LRFN5: variants seen among roughly 807,000 people sequenced by gnomAD.
LRFN5 encodes the protein leucine-rich repeat and fibronectin type-III domain-containing protein 5.
Under a neutral mutation model 45.6 loss-of-function variants are expected in LRFN5, and 24 were observed. The ratio of observed to expected loss-of-function variants is 0.53; its 90% CI spans 0.38 to 0.74. The LOEUF is 0.74. Among genes scored for constraint, LRFN5 ranks in the 30% least tolerant of loss-of-function variants. LRFN5 has a pLI of 0.00. For missense variants in LRFN5, 776 were observed against 861.5 expected, an observed-to-expected ratio of 0.90 and a Z score of 1.24; for synonymous variants, 340 against 313.8, an observed-to-expected ratio of 1.08 and a Z score of -0.88.
intron 2 of LRFN5, among the ~76,000 whole-genome samples, chr14:41,849,466 G>A (rs1310325882): frequency 6.6e-6 from 1 of 151,392 alleles, no homozygotes; most frequent in Non-Finnish European, 1.5e-5. Context: ...AAAGTGGGAG[G>A]CTCTTTTCAG....
chr14:41,797,305 G>T (rs1887167493), intron 2 of LRFN5, among the ~76,000 whole-genome samples: 1 of 151,450 alleles, frequency 6.6e-6, no homozygotes, highest in African/African-American at 2.4e-5. Flanking sequence ...ACCCTAGCTG[G>T]TTTATTTTTC....
At chr14:41,828,092 G>A (rs966425768) in intron 2 of LRFN5, among the ~76,000 whole-genome samples, 3 of 151,968 alleles carry the variant, frequency 2.0e-5, no homozygotes, top group African/African-American at 7.2e-5. Flanking sequence ...GTAAGTTAAA[G>A]GGAAATAGGT....
At chr14:41,860,114 C>T (rs1889610118) in intron 2 of LRFN5, among the ~76,000 whole-genome samples, 1 of 152,046 alleles carries the variant, frequency 6.6e-6, no homozygotes, top group African/African-American at 2.4e-5. Flanking sequence ...TCCAGCTATC[C>T]AGAAGAAAAG....
intron 1 of LRFN5, among the ~76,000 whole-genome samples, chr14:41,724,373 G>A (rs1337612375): frequency 6.6e-6 from 1 of 152,098 alleles, no homozygotes; most frequent in African/African-American, 2.4e-5. Context: ...TACATTTAGA[G>A]CATAAGGTTT....
intron 2 of LRFN5, among the ~76,000 whole-genome samples, chr14:41,858,626 A>G (rs1209825994): frequency 6.6e-6 from 1 of 152,194 alleles, no homozygotes; most frequent in Admixed American, 6.5e-5. Flanking sequence ...CTTCAATGTC[A>G]CGTGCTTTTC....
chr14:41,852,178 T>C (rs1354048115), intron 2 of LRFN5, among the ~76,000 whole-genome samples: 1 of 151,912 alleles, frequency 6.6e-6, no homozygotes, highest in Non-Finnish European at 1.5e-5. Context: ...AAGTTGTTAA[T>C]GCAATCCTGT....
At chr14:41,803,564 A>T (rs1887415083) in intron 2 of LRFN5, among the ~76,000 whole-genome samples, 1 of 151,760 alleles carries the variant, frequency 6.6e-6, no homozygotes, top group Admixed American at 6.6e-5. Context: ...TTTGTTGCCC[A>T]TGCTAATTTT....
At chr14:41,852,116 A>G (rs1449728071) in intron 2 of LRFN5, among the ~76,000 whole-genome samples, 3 of 151,872 alleles carry the variant, frequency 2.0e-5, no homozygotes, top group Non-Finnish European at 4.4e-5. Context: ...ACTATAAATG[A>G]TCATAATTAA....
At chr14:41,665,813 T>C (rs974496802) in intron 1 of LRFN5, among the ~76,000 whole-genome samples, 4 of 151,992 alleles carry the variant, frequency 2.6e-5, no homozygotes, top group African/African-American at 9.7e-5. Context: ...ACTTAAATTA[T>C]AATAACAGAT....
rs147559604 is a variant in LRFN5, at chr14:41,860,594, C to G, written c.-20-26012C>G. Among the ~76,000 whole-genome samples the G allele has an allele frequency of 3.9e-3, 599 of 152,156 alleles. 8 individuals are homozygous for G. The highest frequency in any genetic ancestry group is 0.014 in the African/African-American group (574 of 41,518). On this transcript the variant is annotated intron_variant, in intron 2 of 5. Coordinates refer to ENST00000298119, the MANE Select transcript of LRFN5 (RefSeq NM_152447.5). ...AGCATACTTCTATGTTATATTTAAC[C>G]AAGTTGCTGAAACTGCTATTTAAAA...
At chr14:41,844,239 C>T (rs373081006) in intron 2 of LRFN5, among the ~76,000 whole-genome samples, 15,796 of 151,862 alleles carry the variant, frequency 0.1, 2,382 homozygotes, top group African/African-American at 0.34. Context: ...AGATCGAGAC[C>T]ATCCTGGCTA....
At chr14:41,785,460 C>G (rs1055726343) in intron 2 of LRFN5, among the ~76,000 whole-genome samples, 2 of 152,094 alleles carry the variant, frequency 1.3e-5, no homozygotes, top group Non-Finnish European at 2.9e-5. Context: ...TGCTTCAGCA[C>G]TTATAAACCT....
chr14:41,794,798 G>A (rs1384710103), intron 2 of LRFN5, among the ~76,000 whole-genome samples: 1 of 151,944 alleles, frequency 6.6e-6, no homozygotes, highest in Non-Finnish European at 1.5e-5. Flanking sequence ...AAGCATTGCA[G>A]CATATAAAAA....
intron 2 of LRFN5, among the ~76,000 whole-genome samples, chr14:41,863,352 T>C (rs2048287518): frequency 1.3e-5 from 2 of 152,220 alleles, no homozygotes; most frequent in Non-Finnish European, 1.5e-5. Flanking sequence ...CATTTGAAGA[T>C]TGATGAGTAG....
At chr14:41,895,604 G>T (rs1890911292) in intron 4 of LRFN5, among the ~76,000 whole-genome samples, 1 of 151,780 alleles carries the variant, frequency 6.6e-6, no homozygotes, top group Admixed American at 6.6e-5. Context: ...CAGCCTGGGT[G>T]ACAGAGAGAG....
At chr14:41,807,746 A>G (rs569842853) in intron 2 of LRFN5, among the ~76,000 whole-genome samples, 110 of 152,196 alleles carry the variant, frequency 7.2e-4, no homozygotes, top group African/African-American at 2.1e-3. Context: ...CAGTAGATTA[A>G]TAAGAATTTT....
chr14:41,731,498 G>A (rs1349583603), intron 1 of LRFN5: 1 of 152,024 alleles, frequency 6.6e-6, no homozygotes, highest in Non-Finnish European at 1.5e-5. Context: ...TAATCATAAA[G>A]CTAATAAATG....
chr14:41,719,745 GTATATA>G (rs144467410), intron 1 of LRFN5, among the ~76,000 whole-genome samples: 1 of 149,088 alleles, frequency 6.7e-6, no homozygotes, highest in Non-Finnish European at 1.5e-5. Flanking sequence ...ATGTGTGTGT[GTATATA>G]TATATATATC....
intron 2 of LRFN5, among the ~76,000 whole-genome samples, chr14:41,781,568 G>GAA (rs1566436882): frequency 3.8e-5 from 2 of 52,900 alleles, no homozygotes; most frequent in African/African-American, 2.1e-4. Context: ...GAGAAAGAAA[G>GAA]AAAGAAAGAA....
Sources: allele counts gnomAD v4.1 joint callset (sites outside exome capture counted in the v4.1 genomes callset), GRCh38; gene constraint gnomAD v4.1.1; transcripts MANE v1.5; gene names NCBI Gene and HGNC (gene_info 2026-07-23, HGNC 2026-07-21).